Variants in USP9X observed in about 807,000 individuals in gnomAD.
USP9X encodes the protein ubiquitin specific peptidase 9 X-linked.
A neutral mutation model predicts 190.3 loss-of-function variants in USP9X; 7 were observed. The ratio of observed to expected loss-of-function variants is 0.04; its 90% CI spans 0.02 to 0.07. USP9X has a LOEUF of 0.07. Among genes scored for constraint, USP9X ranks in the 10% least tolerant of loss-of-function variants. The pLI is 1.00. For synonymous variants in USP9X, 645 were observed against 659.5 expected (o/e 0.98, Z 0.34); for missense variants, 1,010 against 1,916.9 (o/e 0.53, Z 8.83).
At chrX:41,089,016 T>C (rs1379046701) in intron 1 of USP9X, among the ~76,000 whole-genome samples, 1 of 112,116 alleles carries the variant, frequency 8.9e-6, no homozygotes, top group Non-Finnish European at 1.9e-5. Flanking sequence ...CAGAGACTGA[T>C]TAATTGGTCT....
chrX:41,193,740 A>G (rs1602019861), intron 26 of USP9X, among the ~76,000 whole-genome samples: 1 of 111,168 alleles, frequency 9.0e-6, no homozygotes, highest in East Asian at 2.8e-4. Flanking sequence ...AGGTGGGAAG[A>G]TTGCTTGAAC....
At chrX:41,181,166 A>T (rs1222110968) in intron 21 of USP9X, among the ~76,000 whole-genome samples, 1 of 111,579 alleles carries the variant, frequency 9.0e-6, no homozygotes, top group Admixed American at 9.6e-5. Flanking sequence ...CAACATACCT[A>T]TAAGGAAATT....
intron 5 of USP9X, among the ~76,000 whole-genome samples, chrX:41,135,142 A>T (rs1156677474): frequency 9.0e-6 from 1 of 111,032 alleles, no homozygotes; most frequent in Non-Finnish European, 1.9e-5. Flanking sequence ...TGTAAGGTAC[A>T]TCACTGTTTT....
intron 14 of USP9X, among the ~76,000 whole-genome samples, chrX:41,154,429 C>T (rs922326277): frequency 4.5e-5 from 5 of 111,512 alleles, no homozygotes; most frequent in Non-Finnish European, 9.4e-5. Context: ...GGCCTTCCCC[C>T]AGAGTGGAGA....
At chrX:41,174,857 T>C (rs2062759637) in intron 21 of USP9X, among the ~76,000 whole-genome samples, 1 of 111,060 alleles carries the variant, frequency 9.0e-6, no homozygotes, top group African/African-American at 3.3e-5. Flanking sequence ...TAGCCGGGCG[T>C]GTTAGTGTGC....
chrX:41,196,184 G>A (rs2062982455), intron 26 of USP9X, 67 bp from the exon 27 acceptor site: 1 of 1,152,860 alleles, frequency 8.7e-7, no homozygotes, highest in Admixed American at 2.2e-5. Flanking sequence ...CCCCAAGAGG[G>A]AACAATGTTA....
At chrX:41,159,412 G>T (rs1247872684) in intron 14 of USP9X, among the ~76,000 whole-genome samples, 1 of 111,920 alleles carries the variant, frequency 8.9e-6, no homozygotes, top group Non-Finnish European at 1.9e-5. Context: ...CCCATTCCCA[G>T]TTACATACCC....
rs1392215912 is a variant in USP9X at position 41,236,110 on chromosome X, C to A, written c.*3586C>A. On this transcript the variant is annotated 3_prime_UTR_variant, in exon 45 of 45. Coordinates refer to ENST00000378308, the MANE Select transcript of USP9X (RefSeq NM_001039591.3). Reference sequence around the variant, plus strand: ...AGTTTTGGTCTCTAGTTTGAAGGTACTACATACTGCCGATAAAGGAAAACA... The same window carrying A: ...AGTTTTGGTCTCTAGTTTGAAGGTAATACATACTGCCGATAAAGGAAAACA... The A allele has an allele frequency of 9.1e-6, 1 of 110,172 alleles. No homozygotes were observed. The highest frequency in any genetic ancestry group is 1.9e-5 in the Non-Finnish European group (1 of 52,741). The allele number at this position is 110,172 out of a possible 1,213,427, so 9.1% of individuals were successfully genotyped here. A position where few individuals can be genotyped will look rare whatever the true frequency, so the allele number is the denominator to read the frequency against.
intron 1 of USP9X, among the ~76,000 whole-genome samples, chrX:41,122,506 T>C (rs1387046474): frequency 8.9e-6 from 1 of 111,750 alleles, no homozygotes; most frequent in Non-Finnish European, 1.9e-5. Context: ...GTGTGGCTCA[T>C]TTATTCCTCT....
At chrX:41,170,447 T>C in intron 19 of USP9X, 23 bp from the exon 20 acceptor site, 4 of 1,199,192 alleles carry the variant, frequency 3.3e-6, no homozygotes, top group Non-Finnish European at 4.5e-6. Flanking sequence ...GTTTTTGATA[T>C]TAACATAGTA....
intron 26 of USP9X, 88 bp from the exon 27 acceptor site, chrX:41,196,163 C>T: frequency 1.3e-5 from 14 of 1,052,665 alleles, no homozygotes; most frequent in Non-Finnish European, 1.8e-5. Context: ...TATACTCCCC[C>T]CACCTCTCCT....
intron 18 of USP9X, among the ~76,000 whole-genome samples, chrX:41,168,659 A>AT (rs1465981597): frequency 9.0e-6 from 1 of 110,938 alleles, no homozygotes; most frequent in Non-Finnish European, 1.9e-5. Context: ...CACCTGGCTA[A>AT]TTTTTTTTGA....
chrX:41,165,760 T>C (rs1177361892), intron 15 of USP9X, 112 bp from the exon 16 acceptor site: 22 of 599,788 alleles, frequency 3.7e-5, no homozygotes, highest in Non-Finnish European at 5.5e-5. Context: ...GAATATCTTT[T>C]TATCTATAGT....
chrX:41,093,019 G>A (rs181265470), intron 1 of USP9X, among the ~76,000 whole-genome samples: 1 of 111,104 alleles, frequency 9.0e-6, no homozygotes, highest in Non-Finnish European at 1.9e-5. Flanking sequence ...ACCACAGGCC[G>A]ACATCACCTC....
intron 1 of USP9X, among the ~76,000 whole-genome samples, chrX:41,106,419 G>A (rs191500621): frequency 9.3e-6 from 1 of 107,099 alleles, no homozygotes; most frequent in Admixed American, 1.0e-4. Context: ...CAGTCATACT[G>A]TTTTCTTATA....
At chrX:41,144,717 A>G in intron 11 of USP9X, 91 bp downstream of exon 11, 1 of 734,305 alleles carries the variant, frequency 1.4e-6, no homozygotes. Context: ...ATAAATACTT[A>G]AATAGAAATC....
chrX:41,161,329 CTTTTTTTTTTTTTTTT>C lies in USP9X; in HGVS notation c.1898-1449_1898-1434del, dbSNP rs1158519140. On this transcript the variant is annotated intron_variant, in intron 14 of 44. Transcript: ENST00000378308. ...GTAAAGAGTATAAGAGAATTCTTGC[CTTTTTTTTTTTTTTTT>C]TTTTTTTTTTTGGTGACGGAGTCTC... Among the ~76,000 whole-genome samples, 5 of 32,486 alleles carry C rather than the reference CTTTTTTTTTTTTTTTT, an allele frequency of 1.5e-4. 1 individual carries two copies. In the Admixed American group the frequency reaches 1.6e-3, roughly 11 times the overall value. The allele number at this position is 32,486 out of a possible 115,157, so 28.2% of individuals were successfully genotyped here. A position where few individuals can be genotyped will look rare whatever the true frequency, so the allele number is the denominator to read the frequency against.
Position 41,216,481 on chromosome X carries a change from C to T in USP9X, c.5914C>T (p.Leu1972Phe). 1 of 1,211,252 alleles carries T rather than the reference C, an allele frequency of 8.3e-7. No homozygotes were observed. Among genetic ancestry groups the T allele is most frequent in the Non-Finnish European group, 1.1e-6 (1 of 895,404 alleles). Residue 1972 changes from leucine to phenylalanine, a missense_variant, in exon 35 of 45, where the codon CTT becomes TTT. Transcript: ENST00000378308. Reference sequence around the variant, plus strand: ...TGAGTTGATAAGATATATATCAGAGCTTGCTATCACCACCAGACCTCATCA... The same window carrying T: ...TGAGTTGATAAGATATATATCAGAGTTTGCTATCACCACCAGACCTCATCA... Reference protein sequence around the residue: ...DDELIRYISELAITTRPHQII... With the variant: ...DDELIRYISEFAITTRPHQII...
Position 41,216,171 on chromosome X carries a change from G to T in USP9X, c.5604G>T (p.Val1868=), listed in dbSNP as rs753567750. The change falls in exon 35 of 45, where the codon GTG becomes GTT. Residue 1868 remains valine (V), a synonymous_variant. Transcript: ENST00000378308. ...GCACAAAATACAGACTTGTGGGTGT[G>T]CTCGTACACAGTGGTCAAGCGAGTG... ...AGSTKYRLVG[V]LVHSGQASGG... is the part of the protein sequence containing the mutation. 7 of 1,211,596 alleles carry T rather than the reference G, an allele frequency of 5.8e-6. No individual in the cohort carries two copies. In the Admixed American group the frequency reaches 1.5e-4, roughly 26 times the overall value.
Sources: allele counts gnomAD v4.1 joint callset (sites outside exome capture counted in the v4.1 genomes callset), GRCh38; gene constraint gnomAD v4.1.1; transcripts MANE v1.5; gene names NCBI Gene and HGNC (gene_info 2026-07-23, HGNC 2026-07-21).